The following BLM variants were observed in gnomAD, a reference collection of about 807,000 sequenced individuals.
BLM encodes recQ-like DNA helicase BLM.
In BLM, 95 loss-of-function variants were observed where a neutral mutation model predicts 135.3. That is an observed-to-expected ratio of 0.70 (90% CI 0.59 to 0.83). The LOEUF (loss-of-function observed/expected upper bound fraction) is 0.83, where lower values mean the gene tolerates loss of function less well. Among genes scored for constraint, BLM ranks in the 40% least tolerant of loss-of-function variants. The pLI is 0.00. For missense variants in BLM, 1,518 were observed against 1,663.9 expected, an observed-to-expected ratio of 0.91 and a Z score of 1.53; for synonymous variants, 520 against 589.2, an observed-to-expected ratio of 0.88 and a Z score of 1.70.
chr15:90,728,314 G>A (rs1894970929), intron 1 of BLM, among the ~76,000 whole-genome samples: 1 of 152,094 alleles, frequency 6.6e-6, no homozygotes, highest in Admixed American at 6.6e-5. Flanking sequence ...GGGATTATAG[G>A]CATGAGCCAC....
intron 7 of BLM, among the ~76,000 whole-genome samples, chr15:90,761,470 T>G (rs1895986092): frequency 6.6e-6 from 1 of 152,222 alleles, no homozygotes; most frequent in African/African-American, 2.4e-5. Context: ...AATTATAACC[T>G]ATTGTAGTAC....
chr15:90,746,435 T>C (rs1895504272), intron 1 of BLM, among the ~76,000 whole-genome samples: 1 of 152,232 alleles, frequency 6.6e-6, no homozygotes, highest in Non-Finnish European at 1.5e-5. Context: ...AAAGCTGTAT[T>C]ATGATCATGC....
intron 1 of BLM, among the ~76,000 whole-genome samples, chr15:90,720,202 T>TA (rs956341521): frequency 6.6e-6 from 1 of 152,190 alleles, no homozygotes; most frequent in Non-Finnish European, 1.5e-5. Flanking sequence ...AAGGCAGTAA[T>TA]AATGTCTTTC....
At chr15:90,738,643 G>A (rs1437485113) in intron 1 of BLM, among the ~76,000 whole-genome samples, 1 of 152,088 alleles carries the variant, frequency 6.6e-6, no homozygotes, top group Non-Finnish European at 1.5e-5. Flanking sequence ...AGAAAATAGA[G>A]AAAGGACTCG....
At chr15:90,781,772 C>T (rs1034217844) in intron 12 of BLM, among the ~76,000 whole-genome samples, 1 of 152,132 alleles carries the variant, frequency 6.6e-6, no homozygotes, top group Non-Finnish European at 1.5e-5. Flanking sequence ...CCGTGGGCTG[C>T]GGGTTGGATG....
In BLM at chr15:90,747,672, G is replaced by A. The variant is rs551788903; in HGVS notation, c.98+182G>A. ...TTTTAGCAGCACCAGGTGAGATTGT[G>A]TCTCATCTTTGCATGGTTCCTGGCA... is the stretch of plus-strand genomic sequence containing the variant. On this transcript the variant is annotated intron_variant, in intron 2 of 21. Transcript: ENST00000355112. 12 of 585,960 alleles carry A rather than the reference G, an allele frequency of 2.0e-5. 1 individual carries two copies. The South Asian group carries it at 2.1e-4, about 10-fold the overall frequency. 36.3% of individuals were successfully genotyped at this position (585,960 alleles called of 1,614,324 possible).
At chr15:90,790,010 T>G (rs1332123842) in intron 14 of BLM, among the ~76,000 whole-genome samples, 4 of 121,816 alleles carry the variant, frequency 3.3e-5, no homozygotes, top group South Asian at 2.6e-4. Flanking sequence ...TTTTTTTTTT[T>G]TTTTTTTTTT....
At chr15:90,721,151 A>G (rs902570131) in intron 1 of BLM, among the ~76,000 whole-genome samples, 1 of 152,172 alleles carries the variant, frequency 6.6e-6, no homozygotes, top group South Asian at 2.1e-4. Context: ...GTATGAAATG[A>G]TGCTCCATGT....
At position 90,816,072 on chromosome 15, in the gene BLM, CT is replaced by C. The variant is rs2029914375; in HGVS notation, c.*794del. The C allele has an allele frequency of 8.0e-6, 1 of 124,510 alleles. No individual in the cohort carries two copies. The highest frequency in any genetic ancestry group is 9.0e-5 in the Admixed American group (1 of 11,084). 7.7% of individuals were successfully genotyped at this position (124,510 alleles called of 1,614,324 possible). A position where few individuals can be genotyped will look rare whatever the true frequency, so the allele number is the denominator to read the frequency against. On this transcript the variant is annotated 3_prime_UTR_variant, in exon 22 of 22. Coordinates refer to ENST00000355112, the MANE Select transcript of BLM (RefSeq NM_000057.4). ...CTCCAGCCTGGGTGACAGAGCAAGA[CT>C]CCGTCTCAAAAAAAAAAAAAAAAAA...
At chr15:90,759,332 C>T (rs993059749) in intron 5 of BLM, among the ~76,000 whole-genome samples, 17 of 151,074 alleles carry the variant, frequency 1.1e-4, no homozygotes, top group African/African-American at 4.9e-5. Flanking sequence ...GAGGCCAAGG[C>T]GGGAGGATCA....
Position 90,803,564 on chromosome 15 carries a change from A to G in BLM, c.3402A>G (p.Gly1134=). 2 of 1,613,956 alleles carry G rather than the reference A, an allele frequency of 1.2e-6. No individual in the cohort carries two copies. Among genetic ancestry groups the G allele is most frequent in the Non-Finnish European group, 1.7e-6 (2 of 1,179,832 alleles). The part of the protein sequence containing the change: ...AKIQSGIFGK[G]SAYSRHNAER... ...TCCAGTCAGGTATATTTGGAAAAGGATCTGCTTATTCACGACACAATGCCG... is the reference window on the plus strand; with the variant it reads ...TCCAGTCAGGTATATTTGGAAAAGGGTCTGCTTATTCACGACACAATGCCG... The change falls in exon 18 of 22, where the codon GGA becomes GGG. Residue 1134 remains glycine (G), a synonymous_variant. Coordinates refer to ENST00000355112, the MANE Select transcript of BLM (RefSeq NM_000057.4).
chr15:90,738,324 A>C (rs1452181293), intron 1 of BLM, among the ~76,000 whole-genome samples: 1 of 152,190 alleles, frequency 6.6e-6, no homozygotes, highest in Non-Finnish European at 1.5e-5. Context: ...ACTCCTCAGC[A>C]CTTTGGGAGG....
At chr15:90,782,752 G>A (rs1358113116) in intron 12 of BLM, 70 bp from the exon 13 acceptor site, 6 of 1,185,236 alleles carry the variant, frequency 5.1e-6, no homozygotes, top group East Asian at 4.9e-5. Context: ...GGGGACACAT[G>A]TAGTCTATAA....
At chr15:90,769,030 A>G (rs1008623935) in intron 10 of BLM, 103 bp from the exon 11 acceptor site, 3 of 1,041,044 alleles carry the variant, frequency 2.9e-6, no homozygotes, top group Non-Finnish European at 4.6e-6. Flanking sequence ...CCGGCCTTAT[A>G]GAGGTTTTAA....
chr15:90,811,965 T>C (rs996513267), intron 21 of BLM, among the ~76,000 whole-genome samples: 14 of 152,344 alleles, frequency 9.2e-5, no homozygotes, highest in African/African-American at 3.1e-4. Flanking sequence ...GCCTGACTAA[T>C]GTTTCTTGTT....
rs1411184701 is a variant in BLM at position 90,772,096 on chromosome 15, G to A, written c.2555+2510G>A. ...TCCTTAATGTGTTTGGCACTTCTCTGCATTTGGAAGTAGGAAATTTTAAGG... is the reference window on the plus strand; with the variant it reads ...TCCTTAATGTGTTTGGCACTTCTCTACATTTGGAAGTAGGAAATTTTAAGG... On this transcript the variant is annotated intron_variant, in intron 12 of 21. Coordinates refer to ENST00000355112, the MANE Select transcript of BLM (RefSeq NM_000057.4). 2.6e-5 allele frequency among the ~76,000 whole-genome samples: 4 copies of A among 152,172 alleles called. No individual in the cohort carries two copies. In the East Asian group the frequency reaches 7.7e-4, roughly 29 times the overall value.
At chr15:90,814,608 C>T in intron 21 of BLM, among the ~76,000 whole-genome samples, 1 of 152,206 alleles carries the variant, frequency 6.6e-6, no homozygotes, top group East Asian at 1.9e-4. Flanking sequence ...AGCTTTGCCA[C>T]TCCTGGCCAC....
At chr15:90,783,175 T>C (rs1057089519) in intron 13 of BLM, among the ~76,000 whole-genome samples, 1 of 152,230 alleles carries the variant, frequency 6.6e-6, no homozygotes, top group Non-Finnish European at 1.5e-5. Context: ...ATTATAACTT[T>C]TGGTTTCAAT....
intron 13 of BLM, among the ~76,000 whole-genome samples, chr15:90,784,176 A>G (rs1348390816): frequency 1.3e-5 from 2 of 152,042 alleles, no homozygotes; most frequent in East Asian, 3.9e-4. Flanking sequence ...AATCTTTGTA[A>G]TTTTTAAAGT....
Sources: allele counts gnomAD v4.1 joint callset (sites outside exome capture counted in the v4.1 genomes callset), GRCh38; gene constraint gnomAD v4.1.1; transcripts MANE v1.5; gene names NCBI Gene and HGNC (gene_info 2026-07-23, HGNC 2026-07-21).